The following GPD2 variants were observed in gnomAD, a reference collection of about 807,000 sequenced individuals.
GPD2 encodes the protein glycerol-3-phosphate dehydrogenase 2, also known as glycerol-3-phosphate dehydrogenase, mitochondrial.
GPD2 carries 54 observed loss-of-function variants against 82.4 expected under a neutral mutation model. The observed-to-expected ratio is 0.66, with a 90% confidence interval of 0.53 to 0.82. The LOEUF (loss-of-function observed/expected upper bound fraction) is 0.82. Among genes scored for constraint, GPD2 ranks in the 40% least tolerant of loss-of-function variants. The probability of loss-of-function intolerance (pLI) is 0.00; values close to 1 mark genes in which losing one functional copy is unlikely to be tolerated. For synonymous variants in GPD2, 288 were observed against 306.1 expected (o/e 0.94, Z 0.62); for missense variants, 748 against 896.2 (o/e 0.83, Z 2.11).
chr2:156,561,173 G>C (rs998811347), intron 9 of GPD2, among the ~76,000 whole-genome samples: 4 of 148,628 alleles, frequency 2.7e-5, no homozygotes, highest in African/African-American at 1.0e-4. Context: ...TCAGCCTCCT[G>C]AGTAGCTGGG....
chr2:156,560,236 G>A (rs562917376), intron 9 of GPD2, among the ~76,000 whole-genome samples: 2 of 152,124 alleles, frequency 1.3e-5, no homozygotes, highest in Non-Finnish European at 2.9e-5. Context: ...AGTGAGCGTG[G>A]GGCTTTAACG....
At chr2:156,475,245 C>A (rs1352540595) in intron 1 of GPD2, among the ~76,000 whole-genome samples, 1 of 152,140 alleles carries the variant, frequency 6.6e-6, no homozygotes, top group African/African-American at 2.4e-5. Flanking sequence ...TGTTAAGTTC[C>A]CCTAATGAAA....
At chr2:156,581,369 T>C (rs1049803601) in intron 16 of GPD2, among the ~76,000 whole-genome samples, 1 of 152,080 alleles carries the variant, frequency 6.6e-6, no homozygotes, top group Non-Finnish European at 1.5e-5. Context: ...AACTTTTGAG[T>C]TTTTAGAAGT....
chr2:156,573,424 G>A (rs2105369709), intron 13 of GPD2, among the ~76,000 whole-genome samples: 1 of 152,254 alleles, frequency 6.6e-6, no homozygotes, highest in South Asian at 2.1e-4. Flanking sequence ...CCGTACAGAG[G>A]CAGCACAGGA....
chr2:156,415,133 TCCC>T, the GPD2 span, among the ~76,000 whole-genome samples: 1 of 142,532 alleles, frequency 7.0e-6, no homozygotes, highest in South Asian at 2.3e-4. Context: ...TTCCCCCAAA[TCCC>T]CCAAGTCCAT....
chr2:156,559,865 CT>C (rs1461184299), intron 9 of GPD2, among the ~76,000 whole-genome samples: 16 of 151,822 alleles, frequency 1.1e-4, no homozygotes, highest in Non-Finnish European at 1.8e-4. Flanking sequence ...TAGCTTGGTA[CT>C]TTTTTTTCAT....
At chr2:156,489,624 A>C (rs1684074470) in intron 2 of GPD2, among the ~76,000 whole-genome samples, 1 of 152,192 alleles carries the variant, frequency 6.6e-6, no homozygotes. Flanking sequence ...TGGATGAATA[A>C]GTTTGATGAA....
chr2:156,547,963 C>T (rs1243630827), intron 6 of GPD2, among the ~76,000 whole-genome samples: 1 of 152,116 alleles, frequency 6.6e-6, no homozygotes, highest in Non-Finnish European at 1.5e-5. Context: ...GATGGGTGAG[C>T]GTTTCTCTAA....
intron 6 of GPD2, among the ~76,000 whole-genome samples, chr2:156,546,825 G>A (rs915883562): frequency 1.3e-5 from 2 of 152,158 alleles, no homozygotes; most frequent in Non-Finnish European, 2.9e-5. Context: ...TTATGTCTCT[G>A]TCACATTTCT....
At chr2:156,453,080 G>T (rs1021961332) in intron 1 of GPD2, among the ~76,000 whole-genome samples, 1 of 152,148 alleles carries the variant, frequency 6.6e-6, no homozygotes, top group Non-Finnish European at 1.5e-5. Context: ...AGTGTGGATT[G>T]CACATTAATG....
chr2:156,405,360 G>C, the GPD2 span, among the ~76,000 whole-genome samples: 4 of 152,140 alleles, frequency 2.6e-5, 1 homozygote, highest in African/African-American at 9.7e-5. Context: ...AGAAATCAAG[G>C]CTACAGAAGT....
intron 13 of GPD2, among the ~76,000 whole-genome samples, chr2:156,575,886 T>C (rs1325358984): frequency 6.6e-6 from 1 of 152,248 alleles, no homozygotes; most frequent in African/African-American, 2.4e-5. Context: ...GTCCTAGATC[T>C]TGACCTAGTC....
intron 2 of GPD2, among the ~76,000 whole-genome samples, chr2:156,489,919 C>G (rs981184958): frequency 2.1e-5 from 3 of 140,490 alleles, no homozygotes; most frequent in East Asian, 2.4e-4. Flanking sequence ...CCTTCCTTCT[C>G]TCCCCTCCCC....
intron 2 of GPD2, among the ~76,000 whole-genome samples, chr2:156,491,943 C>T (rs941950800): frequency 6.6e-6 from 1 of 151,308 alleles, no homozygotes; most frequent in Non-Finnish European, 1.5e-5. Context: ...TCGCTTGAAC[C>T]CGGGTGACAG....
the GPD2 span, among the ~76,000 whole-genome samples, chr2:156,414,052 T>A: frequency 2.0e-5 from 3 of 152,234 alleles, no homozygotes; most frequent in Non-Finnish European, 2.9e-5. Flanking sequence ...CACTTCTGCT[T>A]AAATAACTTT....
chr2:156,470,073 C>G (rs1431346863), intron 1 of GPD2, among the ~76,000 whole-genome samples: 1 of 152,156 alleles, frequency 6.6e-6, no homozygotes, highest in African/African-American at 2.4e-5. Flanking sequence ...CAAGGGGTGG[C>G]TTATTTTACC....
At chr2:156,474,452 G>T (rs532057540) in intron 1 of GPD2, among the ~76,000 whole-genome samples, 10 of 152,210 alleles carry the variant, frequency 6.6e-5, no homozygotes, top group African/African-American at 1.9e-4. Context: ...TGAGTTGTGA[G>T]CTATCAGTAG....
chr2:156,469,285 C>T (rs1683246458), intron 1 of GPD2, among the ~76,000 whole-genome samples: 2 of 152,156 alleles, frequency 1.3e-5, no homozygotes. Context: ...GTCTCAGCCT[C>T]CTGAGTATCT....
At chr2:156,519,104 A>G (rs914233933) in intron 6 of GPD2, among the ~76,000 whole-genome samples, 30 of 152,336 alleles carry the variant, frequency 2.0e-4, no homozygotes, top group African/African-American at 7.2e-4. Context: ...AAATGTCTAT[A>G]ATATATAAAA....
Sources: gnomAD v4.1 joint callset for allele counts (sites outside exome capture counted in the v4.1 genomes callset) on GRCh38, gnomAD v4.1.1 for gene constraint, MANE v1.5 for transcripts, NCBI Gene and HGNC (gene_info 2026-07-23, HGNC 2026-07-21) for gene names.